Variants in CNTN5 observed in about 807,000 individuals in gnomAD.
The protein encoded by CNTN5 is contactin-5.
A neutral mutation model predicts 129.1 loss-of-function variants in CNTN5; 77 were observed. The observed-to-expected ratio is 0.60, with a 90% CI of 0.50 to 0.72. The LOEUF (loss-of-function observed/expected upper bound fraction) is 0.72, where lower values mean the gene tolerates loss of function less well. Among genes scored for constraint, CNTN5 ranks in the 30% least tolerant of loss-of-function variants. The probability of loss-of-function intolerance (pLI) is 0.00; values close to 1 mark genes in which losing one functional copy is unlikely to be tolerated. For missense variants in CNTN5, 1,478 were observed against 1,328.8 expected, an observed-to-expected ratio of 1.11 and a Z score of -1.75; for synonymous variants, 509 against 465.6, an observed-to-expected ratio of 1.09 and a Z score of -1.20.
intron 3 of CNTN5, among the ~76,000 whole-genome samples, chr11:99,613,623 A>T (rs190698584): frequency 1.1e-4 from 17 of 152,348 alleles, no homozygotes; most frequent in African/African-American, 3.8e-4. Context: ...TGCAGCAAAA[A>T]GATTGAAATT....
intron 2 of CNTN5, among the ~76,000 whole-genome samples, chr11:99,476,296 C>T (rs1042054441): frequency 6.6e-6 from 1 of 151,886 alleles, no homozygotes; most frequent in African/African-American, 2.4e-5. Flanking sequence ...CATTTTATTA[C>T]AATTTAGAGC....
intron 16 of CNTN5, among the ~76,000 whole-genome samples, chr11:100,253,968 T>G (rs1335952142): frequency 1.3e-5 from 2 of 152,132 alleles, no homozygotes; most frequent in Non-Finnish European, 2.9e-5. Flanking sequence ...GACTCCTTTT[T>G]TTTATTCTAG....
At chr11:100,269,372 G>A (rs1429424606) in intron 17 of CNTN5, among the ~76,000 whole-genome samples, 4 of 152,148 alleles carry the variant, frequency 2.6e-5, no homozygotes, top group African/African-American at 7.2e-5. Flanking sequence ...AGCACAAACA[G>A]TTCTCAAAAG....
At chr11:99,748,657 G>A (rs1944136586) in intron 3 of CNTN5, among the ~76,000 whole-genome samples, 1 of 152,134 alleles carries the variant, frequency 6.6e-6, no homozygotes, top group Non-Finnish European at 1.5e-5. Context: ...TCACTTTGGA[G>A]TCCCAGAGTC....
Position 99,659,804 on chromosome 11 carries a change from A to G in CNTN5, c.55+103535A>G, listed in dbSNP as rs78355536. ...TTAATCTCTTCTAAAAGATACCTTC[A>G]GAGAAATGTAATGACATATTTGACC... On this transcript the variant is annotated intron_variant, in intron 3 of 24. Transcript: ENST00000524871. Among the ~76,000 whole-genome samples, 1,341 of 152,344 alleles carry G rather than the reference A, an allele frequency of 8.8e-3. 21 individuals are homozygous for G. The highest frequency in any genetic ancestry group is 0.029 in the African/African-American group (1,201 of 41,580).
At position 99,773,591 on chromosome 11, in the gene CNTN5, G is replaced by GA. The variant is rs558450976; in HGVS notation, c.56-45945dup. Among the ~76,000 whole-genome samples the GA allele has an allele frequency of 6.7e-4, 101 of 151,154 alleles. No homozygotes were observed. The South Asian group carries it at 9.0e-3, about 13-fold the overall frequency. On this transcript the variant is annotated intron_variant, in intron 3 of 24. Transcript: ENST00000524871. ...CATGACCACTTAGCCTTACACATAG[G>GA]AAAAAAAATGGTCATTTTAATGTAT...
At chr11:100,355,314 C>T (rs553028212) in intron 24 of CNTN5, among the ~76,000 whole-genome samples, 6 of 151,680 alleles carry the variant, frequency 4.0e-5, no homozygotes, top group Non-Finnish European at 8.9e-5. Context: ...ATCTCCACAT[C>T]CTGTCTCACT....
intron 3 of CNTN5, among the ~76,000 whole-genome samples, chr11:99,819,231 T>C: frequency 1.4e-5 from 2 of 146,132 alleles, no homozygotes; most frequent in Non-Finnish European, 3.0e-5. Context: ...CCTACTTACC[T>C]CTCTCTCTCT....
At position 100,047,211 on chromosome 11, in the gene CNTN5, G is replaced by A. The variant is rs1748261847; in HGVS notation, c.981-14001G>A. Among the ~76,000 whole-genome samples the A allele has an allele frequency of 2.0e-5, 3 of 151,658 alleles. No homozygotes were observed. In the South Asian group the frequency reaches 6.3e-4, roughly 32 times the overall value. ...AACAAAGAGCCAGATATTGAACTGGGTTGGGAAATCTTCAAACTCCAGTTA... is the reference window on the plus strand; with the variant it reads ...AACAAAGAGCCAGATATTGAACTGGATTGGGAAATCTTCAAACTCCAGTTA... On this transcript the variant is annotated intron_variant, in intron 9 of 24. Transcript: ENST00000524871.
chr11:99,358,255 ATTTTT>A (rs1186386021), intron 2 of CNTN5, among the ~76,000 whole-genome samples: 3 of 46,912 alleles, frequency 6.4e-5, no homozygotes, highest in Non-Finnish European at 8.3e-5. Context: ...CGCCCTGCTG[ATTTTT>A]TTTTTTTTTT....
At chr11:99,100,723 A>G (rs930257358) in intron 1 of CNTN5, among the ~76,000 whole-genome samples, 3 of 152,178 alleles carry the variant, frequency 2.0e-5, no homozygotes, top group African/African-American at 7.2e-5. Flanking sequence ...AACTACTATA[A>G]AAATATATTC....
chr11:99,767,147 C>T (rs138416010), intron 3 of CNTN5, among the ~76,000 whole-genome samples: 234 of 152,174 alleles, frequency 1.5e-3, no homozygotes, highest in African/African-American at 5.5e-3. Flanking sequence ...ATCTCTATAT[C>T]TATCATGTAT....
chr11:99,287,394 T>A (rs1274569992), intron 1 of CNTN5, among the ~76,000 whole-genome samples: 1 of 152,090 alleles, frequency 6.6e-6, no homozygotes. Context: ...AAAAAAATAG[T>A]GCCTTTCAGA....
At chr11:100,173,413 C>T (rs1215651076) in intron 13 of CNTN5, among the ~76,000 whole-genome samples, 2 of 152,088 alleles carry the variant, frequency 1.3e-5, no homozygotes, top group Non-Finnish European at 2.9e-5. Context: ...TTTGCCTAGG[C>T]AACAGACTTG....
intron 1 of CNTN5, among the ~76,000 whole-genome samples, chr11:99,097,459 C>T (rs1049452698): frequency 6.6e-6 from 1 of 151,834 alleles, no homozygotes; most frequent in African/African-American, 2.4e-5. Flanking sequence ...TGACCAAGAC[C>T]ATAAGGATTT....
chr11:99,909,891 A>G (rs964968807), intron 6 of CNTN5, among the ~76,000 whole-genome samples: 4 of 152,056 alleles, frequency 2.6e-5, no homozygotes, highest in Non-Finnish European at 4.4e-5. Flanking sequence ...CAGCACACCA[A>G]CATGGCACAT....
intron 1 of CNTN5, among the ~76,000 whole-genome samples, chr11:99,231,077 A>G (rs1017684546): frequency 2.0e-5 from 3 of 152,074 alleles, no homozygotes; most frequent in Non-Finnish European, 4.4e-5. Flanking sequence ...GGTTGATTCC[A>G]TGTCTTTTCT....
intron 2 of CNTN5, among the ~76,000 whole-genome samples, chr11:99,514,146 G>A (rs576571504): frequency 6.6e-6 from 1 of 152,218 alleles, no homozygotes; most frequent in East Asian, 1.9e-4. Context: ...AACTGCAGAT[G>A]TGATGGAAAT....
chr11:99,471,633 T>C (rs1440317848), intron 2 of CNTN5, among the ~76,000 whole-genome samples: 1 of 143,644 alleles, frequency 7.0e-6, no homozygotes, highest in Admixed American at 7.1e-5. Flanking sequence ...ACTTACTTCA[T>C]GTGTTTTTTT....
Sources: allele counts gnomAD v4.1 joint callset (sites outside exome capture counted in the v4.1 genomes callset), GRCh38; gene constraint gnomAD v4.1.1; transcripts MANE v1.5; gene names NCBI Gene and HGNC (gene_info 2026-07-23, HGNC 2026-07-21).